The following ZBTB8B variants were observed in gnomAD, a reference collection of about 807,000 sequenced individuals.
The protein encoded by ZBTB8B is zinc finger and BTB domain containing 8B.
ZBTB8B carries 17 observed loss-of-function variants against 30.3 expected under a neutral mutation model. The observed-to-expected ratio is 0.56, with a 90% CI of 0.38 to 0.84. ZBTB8B has a LOEUF of 0.84. Ranked by LOEUF, ZBTB8B falls within the 40% of genes least tolerant of loss-of-function variation. The pLI is 0.00. For synonymous variants in ZBTB8B, 248 were observed against 255.6 expected, an observed-to-expected ratio of 0.97 and a Z score of 0.28; for missense variants, 515 against 644.9, an observed-to-expected ratio of 0.80 and a Z score of 2.18.
rs761179135 is a variant in ZBTB8B at position 32,493,060 on chromosome 1, T to C, written c.*7642T>C. 2 of 152,206 alleles carry C rather than the reference T, an allele frequency of 1.3e-5. No homozygotes were observed. Among genetic ancestry groups the C allele is most frequent in the Non-Finnish European group, 2.9e-5 (2 of 68,028 alleles). 9.4% of individuals were successfully genotyped at this position (152,206 alleles called of 1,614,324 possible). ...GCTTTGGTCACTAACAGTGTTTAAA[T>C]TATGTGTTTTATTCAGTTATGCAAA... is the stretch of plus-strand genomic sequence containing the variant. On this transcript the variant is annotated 3_prime_UTR_variant, in exon 4 of 4. Coordinates refer to ENST00000609129, the MANE Select transcript of ZBTB8B (RefSeq NM_001145720.2).
chr1:32,485,464 C>CCCA lies in ZBTB8B; in HGVS notation c.*46_*47insCCA. Reference sequence around the variant, plus strand: ...GGAGGTTTTAAAACTTGTTAGTGCTCGTTCTGTTGTTGAAAGATACCATTT... The same window carrying CCCA: ...GGAGGTTTTAAAACTTGTTAGTGCTCCCAGTTCTGTTGTTGAAAGATACCATTT... On this transcript the variant is annotated 3_prime_UTR_variant, in exon 4 of 4. Transcript: ENST00000609129. 1 of 1,512,912 alleles carries CCCA rather than the reference C, an allele frequency of 6.6e-7. No individual in the cohort carries two copies. The highest frequency in any genetic ancestry group is 2.5e-5 in the East Asian group (1 of 40,504). 93.7% of individuals were successfully genotyped at this position (1,512,912 alleles called of 1,614,324 possible).
chr1:32,470,519 A>AG, intron 1 of ZBTB8B, 65 bp from the exon 2 acceptor site: 1 of 1,149,156 alleles, frequency 8.7e-7, no homozygotes, highest in South Asian at 1.8e-5. Flanking sequence ...AAAAAAAAAA[A>AG]AAAAAAAGAA....
In ZBTB8B at chr1:32,494,911, G is replaced by A. The variant is rs1643806217; in HGVS notation, c.*9493G>A. The A allele has an allele frequency of 6.6e-6, 1 of 151,994 alleles. No individual in the cohort carries two copies. Among genetic ancestry groups the A allele is most frequent in the Non-Finnish European group, 1.5e-5 (1 of 68,000 alleles). The allele number at this position is 151,994 out of a possible 1,614,324, so 9.4% of individuals were successfully genotyped here. Reference sequence around the variant, plus strand: ...CCTCCAGAGTTCAAAGAGTTCTCATGCCTCAGCCTCCTGAGTAGCTGGGAT... The same window carrying A: ...CCTCCAGAGTTCAAAGAGTTCTCATACCTCAGCCTCCTGAGTAGCTGGGAT... On this transcript the variant is annotated 3_prime_UTR_variant, in exon 4 of 4. Coordinates refer to ENST00000609129, the MANE Select transcript of ZBTB8B (RefSeq NM_001145720.2).
chr1:32,480,843 T>G (rs573078165), intron 2 of ZBTB8B, 48 bp from the exon 3 acceptor site: 1 of 1,488,900 alleles, frequency 6.7e-7, no homozygotes. Flanking sequence ...GTAGCCAGGG[T>G]TGGTCACTGC....
chr1:32,470,697 G>T lies in ZBTB8B; in HGVS notation c.73G>T (p.Asp25Tyr). The change falls in exon 2 of 4, where the codon GAC (aspartate) becomes TAC (tyrosine). Residue 25 changes from aspartate to tyrosine, a missense_variant. By Grantham distance (160) the Asp-to-Tyr change is radical. Coordinates refer to ENST00000609129, the MANE Select transcript of ZBTB8B (RefSeq NM_001145720.2). ...ACAGAGAAAGAGGGACTTTTTCTGT[G>T]ACTGCAGCATCATTGTGGAAGGGCG... Reference protein sequence around the residue: ...NEQRKRDFFCDCSIIVEGRIF... With the variant: ...NEQRKRDFFCYCSIIVEGRIF... The T allele has an allele frequency of 6.4e-7, 1 of 1,551,692 alleles. No homozygotes were observed. The highest frequency in any genetic ancestry group is 1.2e-5 in the South Asian group (1 of 84,046).
intron 1 of ZBTB8B, among the ~76,000 whole-genome samples, chr1:32,469,755 A>G (rs1476096837): frequency 6.6e-6 from 1 of 152,204 alleles, no homozygotes; most frequent in Non-Finnish European, 1.5e-5. Flanking sequence ...CAAGGTTTTT[A>G]TAAAAATTCA....
rs1355121842 is a variant in ZBTB8B at position 32,489,655 on chromosome 1, A to T, written c.*4237A>T. 1 of 152,170 alleles carries T rather than the reference A, an allele frequency of 6.6e-6. No homozygotes were observed. The highest frequency in any genetic ancestry group is 1.5e-5 in the Non-Finnish European group (1 of 68,032). 9.4% of individuals were successfully genotyped at this position (152,170 alleles called of 1,614,324 possible). On this transcript the variant is annotated 3_prime_UTR_variant, in exon 4 of 4. Coordinates refer to ENST00000609129, the MANE Select transcript of ZBTB8B (RefSeq NM_001145720.2). ...CTGGCACATTCCACCCAAGTTCACA[A>T]AGGGATATTTTCGTCTCATATTAGA...
chr1:32,470,012 A>G (rs1159748450), intron 1 of ZBTB8B, among the ~76,000 whole-genome samples: 1 of 152,034 alleles, frequency 6.6e-6, no homozygotes, highest in Non-Finnish European at 1.5e-5. Context: ...CAGCTTCCCT[A>G]GTAGCTGGGA....
At position 32,485,405 on chromosome 1, in the gene ZBTB8B, A is replaced by T; in HGVS notation, c.1475A>T (p.Glu492Val). ...PQIQPNLSDR[E>V]TLT is the part of the protein sequence containing the mutation. ...ATTCAGCCTAACTTATCAGACCGAG[A>T]GACACTTACGTAGCAATAAATTGGT... Residue 492 changes from glutamate (E) to valine (V), a missense_variant, in exon 4 of 4, where the codon GAG becomes GTG. Coordinates refer to ENST00000609129, the MANE Select transcript of ZBTB8B (RefSeq NM_001145720.2). 6.4e-7 allele frequency: 1 copy of T among 1,550,938 alleles called. No homozygotes were observed. The highest frequency in any genetic ancestry group is 2.4e-5 in the East Asian group (1 of 40,900).
At chr1:32,470,499 CAAAAAAAAAA>C (rs60700558) in intron 1 of ZBTB8B, 75 bp from the exon 2 acceptor site, 74 of 359,138 alleles carry the variant, frequency 2.1e-4, no homozygotes, top group East Asian at 8.2e-4. Context: ...GACGCTGACT[CAAAAAAAAAA>C]AAAAAAAAAA....
chr1:32,479,045 G>A (rs1408654710), intron 2 of ZBTB8B, among the ~76,000 whole-genome samples: 2 of 152,150 alleles, frequency 1.3e-5, no homozygotes, highest in Non-Finnish European at 2.9e-5. Context: ...TACAGATGAG[G>A]AAAGTGAGGC....
intron 2 of ZBTB8B, among the ~76,000 whole-genome samples, chr1:32,477,609 C>T (rs989966219): frequency 6.6e-6 from 1 of 151,938 alleles, no homozygotes; most frequent in African/African-American, 2.4e-5. Flanking sequence ...GGAAACAGGT[C>T]GTCATTCCTG....
rs1025087945 is a variant in ZBTB8B, at chr1:32,484,982, C to T, written c.1171-119C>T. On this transcript the variant is annotated intron_variant, in intron 3 of 3. Transcript: ENST00000609129. This position sits in a 1 kb window ranked among gnomAD's most constrained non-coding sequence, Gnocchi z 4.5. ...AATACAAAGACTGTGGCAGAGAATG[C>T]AGGTGGAGTGCTGAAAAAGGAATCG... 7.6e-5 allele frequency: 65 copies of T among 858,352 alleles called. No individual in the cohort carries two copies. The East Asian group carries it at 1.5e-3, about 20-fold the overall frequency. The allele number at this position is 858,352 out of a possible 1,614,324, so 53.2% of individuals were successfully genotyped here. A position where few individuals can be genotyped will look rare whatever the true frequency, so the allele number is the denominator to read the frequency against.
Position 32,485,649 on chromosome 1 carries a change from A to C in ZBTB8B, c.*231A>C, listed in dbSNP as rs1643740014. The stretch of plus-strand genomic sequence containing the variant: ...CTGAGGGCTTTGCTGGCCACTCCTT[A>C]ATTCTGAGTGAGTCAAAGCAGGCCC... On this transcript the variant is annotated 3_prime_UTR_variant, in exon 4 of 4. Transcript: ENST00000609129. 1 of 534,570 alleles carries C rather than the reference A, an allele frequency of 1.9e-6. No individual in the cohort carries two copies. Among genetic ancestry groups the C allele is most frequent in the South Asian group, 2.2e-5 (1 of 46,096 alleles). 33.1% of individuals were successfully genotyped at this position (534,570 alleles called of 1,614,324 possible).
intron 2 of ZBTB8B, among the ~76,000 whole-genome samples, chr1:32,478,698 G>A (rs904667041): frequency 2.0e-5 from 3 of 152,134 alleles, no homozygotes; most frequent in African/African-American, 4.8e-5. Flanking sequence ...ATTAGGATGG[G>A]AACTTGATAC....
chr1:32,470,526 AGAAAT>A, intron 1 of ZBTB8B, 53 bp from the exon 2 acceptor site: 1 of 1,035,274 alleles, frequency 9.7e-7, no homozygotes, highest in Non-Finnish European at 1.3e-6. Context: ...AAAAAAAAAA[AGAAAT>A]CTTGTTTGTA....
At chr1:32,466,416 G>A (rs1217285986) in intron 1 of ZBTB8B, among the ~76,000 whole-genome samples, 1 of 152,290 alleles carries the variant, frequency 6.6e-6, no homozygotes, top group South Asian at 2.1e-4. Flanking sequence ...AGTTGGAACC[G>A]TGGGATGGTT....
chr1:32,471,715 T>C, intron 2 of ZBTB8B, 100 bp downstream of exon 2: 1 of 1,310,290 alleles, frequency 7.6e-7, no homozygotes, highest in Non-Finnish European at 1.0e-6. Flanking sequence ...CCATCATCAT[T>C]GTCACTACCA....
chr1:32,472,425 A>G (rs1643631293), intron 2 of ZBTB8B, among the ~76,000 whole-genome samples: 1 of 152,188 alleles, frequency 6.6e-6, no homozygotes, highest in South Asian at 2.1e-4. Context: ...ACTTTTTCTC[A>G]CATATCATCT....
Sources: gnomAD v4.1 joint callset for allele counts (sites outside exome capture counted in the v4.1 genomes callset) on GRCh38, gnomAD v4.1.1 for gene constraint, Gnocchi (gnomAD v3.1) non-coding constraint, MANE v1.5 for transcripts, NCBI Gene and HGNC (gene_info 2026-07-23, HGNC 2026-07-21) for gene names.